Variants in NBEA observed in about 807,000 individuals in gnomAD.
NBEA encodes neurobeachin.
NBEA carries 44 observed loss-of-function variants against 343.4 expected under a neutral mutation model. That is an observed-to-expected ratio of 0.13 (90% confidence interval 0.10 to 0.16). The LOEUF is 0.16. NBEA is among the 10% of genes least tolerant of loss of function. NBEA has a pLI of 1.00. For missense variants in NBEA, 2,555 were observed against 3,631.3 expected, an observed-to-expected ratio of 0.70 and a Z score of 7.62; for synonymous variants, 1,175 against 1,238.7, an observed-to-expected ratio of 0.95 and a Z score of 1.08.
At chr13:35,403,251 A>G (rs1262537753) in intron 38 of NBEA, among the ~76,000 whole-genome samples, 2 of 152,050 alleles carry the variant, frequency 1.3e-5, no homozygotes, top group Non-Finnish European at 2.9e-5. Context: ...TAATGTTAAT[A>G]TGATTAATAA....
intron 55 of NBEA, among the ~76,000 whole-genome samples, chr13:35,659,334 A>G (rs773184779): frequency 1.3e-5 from 2 of 152,226 alleles, no homozygotes; most frequent in Non-Finnish European, 2.9e-5. Context: ...GATAGGATTT[A>G]TCATTTAACC....
At position 35,050,478 on chromosome 13, in the gene NBEA, T is replaced by C. The variant is rs576769902; in HGVS notation, c.972+83T>C. ...CTTTTATGAGCTCTGTAGTATTCTCTTTCACGGGTTTTCCTATGCTTTTAA... is the reference window on the plus strand; with the variant it reads ...CTTTTATGAGCTCTGTAGTATTCTCCTTCACGGGTTTTCCTATGCTTTTAA... On this transcript the variant is annotated intron_variant, in intron 6 of 58. Transcript: ENST00000379939. 804 of 1,327,684 alleles carry C rather than the reference T, an allele frequency of 6.1e-4. 2 individuals are homozygous for C. Among genetic ancestry groups the C allele is most frequent in the Non-Finnish European group, 7.8e-4 (768 of 985,318 alleles). The allele number at this position is 1,327,684 out of a possible 1,614,324, so 82.2% of individuals were successfully genotyped here. A position where few individuals can be genotyped will look rare whatever the true frequency, so the allele number is the denominator to read the frequency against.
chr13:34,993,844 T>A (rs745554107), intron 1 of NBEA, among the ~76,000 whole-genome samples: 3 of 152,172 alleles, frequency 2.0e-5, no homozygotes, highest in Non-Finnish European at 4.4e-5. Context: ...CAATTTTGAT[T>A]ATGGTTCTTT....
At chr13:35,320,608 G>A (rs2038068496) in intron 36 of NBEA, among the ~76,000 whole-genome samples, 1 of 152,098 alleles carries the variant, frequency 6.6e-6, no homozygotes. Flanking sequence ...TCTTTGTGAT[G>A]TTCTCTGTAT....
intron 56 of NBEA, among the ~76,000 whole-genome samples, chr13:35,666,015 G>A (rs1020724824): frequency 1.3e-5 from 2 of 152,146 alleles, no homozygotes; most frequent in African/African-American, 4.8e-5. Context: ...TTCTCTGTGG[G>A]AAGACTCCCA....
intron 49 of NBEA, among the ~76,000 whole-genome samples, chr13:35,643,612 C>A (rs1294397930): frequency 6.6e-6 from 1 of 152,106 alleles, no homozygotes. Flanking sequence ...AACAAACAGA[C>A]ATACATAAAT....
Position 35,352,311 on chromosome 13 carries a change from C to A in NBEA, c.6167C>A (p.Ala2056Glu), listed in dbSNP as rs773119869. ...ACAAATAAACATGGTGCTTGGGGAGCAGTTTCTCATAGGTGAGTTATAATA... is the reference window on the plus strand; with the variant it reads ...ACAAATAAACATGGTGCTTGGGGAGAAGTTTCTCATAGGTGAGTTATAATA... ...ILTNKHGAWG[A>E]VSHSQLHDFW... Residue 2056 changes from alanine (A) to glutamate (E), a missense_variant, in exon 38 of 59, where the codon GCA (alanine) becomes GAA (glutamate). This residue lies in a region of NBEA where 246 missense variants were observed against 313.7 expected (regional missense o/e 0.78). Transcript: ENST00000379939. The A allele has an allele frequency of 2.7e-6, 4 of 1,491,806 alleles. No individual in the cohort carries two copies. The highest frequency in any genetic ancestry group is 3.9e-5 in the Admixed American group (2 of 51,364). 92.4% of individuals were successfully genotyped at this position (1,491,806 alleles called of 1,614,324 possible).
intron 58 of NBEA, among the ~76,000 whole-genome samples, chr13:35,668,997 AT>A (rs1246361643): frequency 6.6e-6 from 1 of 152,056 alleles, no homozygotes; most frequent in African/African-American, 2.4e-5. Flanking sequence ...ACCCAGAACA[AT>A]TTTTTTACCC....
chr13:35,173,978 A>AT (rs2070679906), intron 27 of NBEA, among the ~76,000 whole-genome samples: 2 of 152,178 alleles, frequency 1.3e-5, no homozygotes, highest in Admixed American at 6.5e-5. Context: ...TGAATGGAGT[A>AT]TTTTGAAATA....
At chr13:35,341,333 A>G (rs2039572320) in intron 36 of NBEA, among the ~76,000 whole-genome samples, 1 of 152,064 alleles carries the variant, frequency 6.6e-6, no homozygotes, top group Non-Finnish European at 1.5e-5. Flanking sequence ...CATGACCTTG[A>G]ATTACCCAAT....
At chr13:35,533,378 A>T (rs1213549721) in intron 41 of NBEA, among the ~76,000 whole-genome samples, 3 of 152,158 alleles carry the variant, frequency 2.0e-5, no homozygotes, top group Non-Finnish European at 4.4e-5. Context: ...TGTCTCATGC[A>T]TGTTATTTTT....
At chr13:35,344,344 A>C (rs1016012174) in intron 36 of NBEA, among the ~76,000 whole-genome samples, 2 of 150,114 alleles carry the variant, frequency 1.3e-5, no homozygotes, top group Non-Finnish European at 3.0e-5. Context: ...CTCTAACTGC[A>C]AAAAAAAATG....
chr13:35,480,671 C>T (rs1448708330), intron 41 of NBEA, among the ~76,000 whole-genome samples: 1 of 151,812 alleles, frequency 6.6e-6, no homozygotes, highest in Admixed American at 6.6e-5. Flanking sequence ...TTTCTTTCCC[C>T]CTTCTTTTTT....
At chr13:35,409,341 G>T (rs957115290) in intron 38 of NBEA, among the ~76,000 whole-genome samples, 3 of 152,084 alleles carry the variant, frequency 2.0e-5, no homozygotes, top group Non-Finnish European at 4.4e-5. Context: ...GGGCCTATAT[G>T]AGAGTGGAGG....
chr13:35,553,065 T>C (rs2079412184), intron 43 of NBEA, among the ~76,000 whole-genome samples: 1 of 152,004 alleles, frequency 6.6e-6, no homozygotes, highest in African/African-American at 2.4e-5. Context: ...CTAATTTTTG[T>C]ATTGTTTATA....
intron 10 of NBEA, among the ~76,000 whole-genome samples, chr13:35,094,241 C>T (rs185813869): frequency 1.2e-4 from 19 of 152,044 alleles, no homozygotes; most frequent in African/African-American, 4.3e-4. Flanking sequence ...GGTAGCAATT[C>T]AGTTTATAAG....
Position 35,129,130 on chromosome 13 carries a change from C to A in NBEA, c.2336+5556C>A, listed in dbSNP as rs183645730. Among the ~76,000 whole-genome samples the A allele has an allele frequency of 8.6e-5, 13 of 151,840 alleles. No individual in the cohort carries two copies. In the South Asian group the frequency reaches 1.9e-3, roughly 22 times the overall value. ...ATGTTAAATGATGAGTTAATGGGTG[C>A]AGCACACCAACATGGCATATGTATA... On this transcript the variant is annotated intron_variant, in intron 17 of 58. Transcript: ENST00000379939.
At chr13:35,656,822 G>C (rs1344956974) in intron 55 of NBEA, among the ~76,000 whole-genome samples, 3 of 152,160 alleles carry the variant, frequency 2.0e-5, no homozygotes, top group African/African-American at 7.2e-5. Flanking sequence ...ACTGAAACAT[G>C]AATTTGGGGA....
At chr13:35,091,062 C>T (rs1335316982) in intron 10 of NBEA, among the ~76,000 whole-genome samples, 1 of 151,948 alleles carries the variant, frequency 6.6e-6, no homozygotes, top group African/African-American at 2.4e-5. Flanking sequence ...CTTTTCTTCA[C>T]GTTGTTCTGT....
Sources: allele counts gnomAD v4.1 joint callset (sites outside exome capture counted in the v4.1 genomes callset), GRCh38; gene constraint gnomAD v4.1.1; regional missense constraint gnomAD v4.1.1; transcripts MANE v1.5; gene names NCBI Gene and HGNC (gene_info 2026-07-23, HGNC 2026-07-21).